The following NRG3 variants were observed in gnomAD, a reference collection of about 807,000 sequenced individuals.
NRG3 encodes pro-neuregulin-3, membrane-bound isoform.
NRG3 carries 31 observed loss-of-function variants against 66.9 expected under a neutral mutation model. That is an observed-to-expected ratio of 0.46 (90% CI 0.35 to 0.63). NRG3 has a LOEUF of 0.63. Among genes scored for constraint, NRG3 ranks in the 20% least tolerant of loss-of-function variants. The pLI, the probability that NRG3 is intolerant of heterozygous loss-of-function variation, is 0.00. For missense variants in NRG3, 910 were observed against 878.9 expected (o/e 1.04, Z -0.45); for synonymous variants, 393 against 359.4 (o/e 1.09, Z -1.06).
intron 1 of NRG3, among the ~76,000 whole-genome samples, chr10:81,901,819 G>T (rs547321067): frequency 3.3e-5 from 5 of 152,294 alleles, no homozygotes; most frequent in Admixed American, 1.3e-4. Flanking sequence ...GAGATTGTGG[G>T]ACTTGGAGGA....
chr10:82,615,279 T>C (rs982305363), intron 2 of NRG3, among the ~76,000 whole-genome samples: 3 of 152,084 alleles, frequency 2.0e-5, no homozygotes, highest in African/African-American at 7.2e-5. Flanking sequence ...ATTATAAAAA[T>C]AGAAATAAAA....
intron 3 of NRG3, among the ~76,000 whole-genome samples, chr10:82,788,022 G>T (rs1172934488): frequency 6.6e-6 from 1 of 152,158 alleles, no homozygotes; most frequent in South Asian, 2.1e-4. Flanking sequence ...TGAGTTTTAA[G>T]AATATTTCCT....
chr10:82,481,227 A>C (rs571421320), intron 2 of NRG3, among the ~76,000 whole-genome samples: 2 of 152,314 alleles, frequency 1.3e-5, no homozygotes, highest in African/African-American at 4.8e-5. Flanking sequence ...TTATGACTTG[A>C]AACTTCTCAA....
At chr10:82,622,278 A>G (rs1486629199) in intron 2 of NRG3, among the ~76,000 whole-genome samples, 1 of 151,634 alleles carries the variant, frequency 6.6e-6, no homozygotes, top group African/African-American at 2.4e-5. Flanking sequence ...TAAGAAGAGA[A>G]ATGATATTCC....
chr10:82,442,295 A>G (rs1331984170), intron 2 of NRG3, among the ~76,000 whole-genome samples: 1 of 152,226 alleles, frequency 6.6e-6, no homozygotes, highest in Non-Finnish European at 1.5e-5. Flanking sequence ...CTTGCGAATG[A>G]AAGAGGGAGA....
chr10:81,947,856 C>T (rs1848990629), intron 1 of NRG3, among the ~76,000 whole-genome samples: 1 of 152,004 alleles, frequency 6.6e-6, no homozygotes, highest in Non-Finnish European at 1.5e-5. Flanking sequence ...CTCAGGCATC[C>T]CAGATTCCAG....
intron 2 of NRG3, among the ~76,000 whole-genome samples, chr10:82,459,965 T>G (rs1051331542): frequency 1.6e-4 from 24 of 152,212 alleles, no homozygotes; most frequent in Non-Finnish European, 1.3e-4. Flanking sequence ...CTAGAGGAAT[T>G]GAGTAATGGC....
At chr10:82,132,520 TATATG>T (rs1241247633) in intron 1 of NRG3, among the ~76,000 whole-genome samples, 2 of 10,784 alleles carry the variant, frequency 1.9e-4, no homozygotes, top group African/African-American at 9.1e-4. Context: ...ATATATGATA[TATATG>T]ATATATATAT....
At chr10:81,919,764 A>T (rs896576868) in intron 1 of NRG3, among the ~76,000 whole-genome samples, 1 of 152,062 alleles carries the variant, frequency 6.6e-6, no homozygotes, top group Non-Finnish European at 1.5e-5. Flanking sequence ...ACAAAATGAG[A>T]CACCCATGAA....
chr10:82,894,488 AT>A (rs1843459166), intron 4 of NRG3, among the ~76,000 whole-genome samples: 1 of 152,036 alleles, frequency 6.6e-6, no homozygotes, highest in Admixed American at 6.6e-5. Flanking sequence ...AACATCTCCC[AT>A]TTTCTTTGTC....
intron 1 of NRG3, among the ~76,000 whole-genome samples, chr10:82,143,297 A>C (rs1257416501): frequency 6.6e-6 from 1 of 152,154 alleles, no homozygotes; most frequent in Non-Finnish European, 1.5e-5. Flanking sequence ...ATAAGATGAC[A>C]CAGGGCAGTC....
intron 1 of NRG3, among the ~76,000 whole-genome samples, chr10:82,155,623 G>GTATT (rs1184266742): frequency 7.3e-5 from 11 of 151,722 alleles, no homozygotes; most frequent in African/African-American, 2.2e-4. Flanking sequence ...ATTTATGATG[G>GTATT]TAGAGTGAAG....
At chr10:82,980,642 A>G (rs1162756628) in intron 8 of NRG3, among the ~76,000 whole-genome samples, 1 of 152,198 alleles carries the variant, frequency 6.6e-6, no homozygotes, top group East Asian at 1.9e-4. Context: ...AAGATCAGCA[A>G]CAGATTTCTT....
intron 1 of NRG3, among the ~76,000 whole-genome samples, chr10:82,004,030 CACACA>C (rs1378918232): frequency 1.6e-3 from 228 of 146,904 alleles, no homozygotes; most frequent in African/African-American, 5.5e-3. Context: ...CACACACACA[CACACA>C]GATACCTTAG....
At chr10:82,664,285 G>C (rs2052593891) in intron 2 of NRG3, among the ~76,000 whole-genome samples, 1 of 152,014 alleles carries the variant, frequency 6.6e-6, no homozygotes, top group South Asian at 2.1e-4. Flanking sequence ...TCCTCCATGA[G>C]TTTCATCCTG....
At chr10:82,788,403 C>G (rs1213948913) in intron 3 of NRG3, among the ~76,000 whole-genome samples, 1 of 152,054 alleles carries the variant, frequency 6.6e-6, no homozygotes, top group African/African-American at 2.4e-5. Context: ...AACACCATCT[C>G]TACTAAAAAT....
chr10:82,246,042 C>T (rs1048447037), intron 1 of NRG3, among the ~76,000 whole-genome samples: 2 of 138,142 alleles, frequency 1.4e-5, no homozygotes, highest in Admixed American at 1.5e-4. Flanking sequence ...ATTTATTCCT[C>T]AGGAAAGTAT....
chr10:82,286,359 T>C (rs2079419311), intron 1 of NRG3, among the ~76,000 whole-genome samples: 2 of 152,182 alleles, frequency 1.3e-5, no homozygotes, highest in Non-Finnish European at 2.9e-5. Flanking sequence ...TGTGTATGTG[T>C]ATATGTGTTT....
intron 1 of NRG3, among the ~76,000 whole-genome samples, chr10:82,256,233 CT>C (rs2077719194): frequency 1.3e-5 from 2 of 152,170 alleles, no homozygotes; most frequent in Non-Finnish European, 2.9e-5. Flanking sequence ...AAATCTGAAA[CT>C]TTTCTAAACA....
Sources: allele counts gnomAD v4.1 joint callset (sites outside exome capture counted in the v4.1 genomes callset), GRCh38; gene constraint gnomAD v4.1.1; transcripts MANE v1.5; gene names NCBI Gene and HGNC (gene_info 2026-07-23, HGNC 2026-07-21).